Variants in SNTG1 observed in about 807,000 individuals in gnomAD.
The protein encoded by SNTG1 is gamma-1-syntrophin.
Under a neutral mutation model 74.7 loss-of-function variants are expected in SNTG1, and 39 were observed. That is an observed-to-expected ratio of 0.52 (90% CI 0.40 to 0.68). The LOEUF is 0.68. SNTG1 is among the 30% of genes least tolerant of loss of function. The pLI is 0.00. For synonymous variants in SNTG1, 254 were observed against 217.1 expected (o/e 1.17, Z -1.49); for missense variants, 685 against 609.5 (o/e 1.12, Z -1.30).
intron 13 of SNTG1, among the ~76,000 whole-genome samples, chr8:50,601,239 G>C (rs1002599141): frequency 1.6e-5 from 2 of 124,426 alleles, no homozygotes; most frequent in African/African-American, 6.1e-5. Flanking sequence ...GTTTGGCTTT[G>C]TTTTTTATGT....
At chr8:50,643,220 T>C (rs2095085235) in intron 13 of SNTG1, among the ~76,000 whole-genome samples, 1 of 152,350 alleles carries the variant, frequency 6.6e-6, no homozygotes, top group South Asian at 2.1e-4. Flanking sequence ...AGCACACTGC[T>C]CCAAGTCTAC....
chr8:49,981,293 A>C (rs1812656935), intron 1 of SNTG1, among the ~76,000 whole-genome samples: 1 of 152,206 alleles, frequency 6.6e-6, no homozygotes, highest in Admixed American at 6.5e-5. Flanking sequence ...CCCCTGGGAA[A>C]GACTCATAAT....
intron 18 of SNTG1, among the ~76,000 whole-genome samples, chr8:50,774,496 T>C (rs1300351958): frequency 6.6e-6 from 1 of 151,836 alleles, no homozygotes; most frequent in Non-Finnish European, 1.5e-5. Flanking sequence ...GAGGTTCTTA[T>C]TTAGTGAAAC....
At chr8:50,442,377 C>T (rs1246119668) in intron 5 of SNTG1, among the ~76,000 whole-genome samples, 1 of 152,100 alleles carries the variant, frequency 6.6e-6, no homozygotes, top group Non-Finnish European at 1.5e-5. Flanking sequence ...AAGCAAATCC[C>T]TACTTTAGAG....
intron 13 of SNTG1, among the ~76,000 whole-genome samples, chr8:50,656,104 A>G (rs545250690): frequency 6.6e-6 from 1 of 152,288 alleles, no homozygotes; most frequent in East Asian, 1.9e-4. Context: ...CCATAAAGCC[A>G]ACGTAAATTA....
In SNTG1 at chr8:50,449,693, T is replaced by G; in HGVS notation, c.245T>G (p.Val82Gly). The change falls in exon 6 of 19, where the codon GTT becomes GGT. Residue 82 changes from valine (V) to glycine (G), a missense_variant. Transcript: ENST00000642720. ...GGAGGAGCAGAACATAACATTCCAG[T>G]TGTCGTTTCAAAAATCTCCAAGGAA... ...IKGGAEHNIP[V>G]VVSKISKEQR... 1 of 1,599,804 alleles carries G rather than the reference T, an allele frequency of 6.3e-7. No homozygotes were observed. The highest frequency in any genetic ancestry group is 8.5e-7 in the Non-Finnish European group (1 of 1,171,814).
At chr8:50,096,325 T>C (rs2079927241) in intron 1 of SNTG1, among the ~76,000 whole-genome samples, 1 of 152,172 alleles carries the variant, frequency 6.6e-6, no homozygotes, top group South Asian at 2.1e-4. Context: ...TCAAATTTGT[T>C]TCATTGATTT....
intron 1 of SNTG1, among the ~76,000 whole-genome samples, chr8:49,927,984 C>G (rs775332334): frequency 4.6e-5 from 7 of 151,242 alleles, no homozygotes; most frequent in Non-Finnish European, 7.4e-5. Flanking sequence ...CAAAAATTAG[C>G]TGGGCATGGT....
At chr8:50,122,878 C>A (rs1030559112) in intron 1 of SNTG1, among the ~76,000 whole-genome samples, 1 of 142,222 alleles carries the variant, frequency 7.0e-6, no homozygotes, top group African/African-American at 2.5e-5. Context: ...GAGAGAAAAA[C>A]CTGATTGCTT....
At chr8:50,165,155 T>C (rs187280306) in intron 1 of SNTG1, among the ~76,000 whole-genome samples, 279 of 152,316 alleles carry the variant, frequency 1.8e-3, no homozygotes, top group African/African-American at 6.4e-3. Context: ...GGCATAGCTT[T>C]GCTTACTGAA....
chr8:50,487,096 A>G (rs2093802919), intron 8 of SNTG1, among the ~76,000 whole-genome samples: 2 of 152,208 alleles, frequency 1.3e-5, no homozygotes, highest in Admixed American at 6.5e-5. Flanking sequence ...AATGCTCATC[A>G]TCACTGGCCA....
intron 9 of SNTG1, among the ~76,000 whole-genome samples, chr8:50,514,039 A>AT (rs1229805331): frequency 6.6e-6 from 1 of 151,980 alleles, no homozygotes; most frequent in Non-Finnish European, 1.5e-5. Flanking sequence ...AGCTGTTCCT[A>AT]TTTGGCCATC....
intron 1 of SNTG1, among the ~76,000 whole-genome samples, chr8:50,091,429 A>G (rs943913273): frequency 6.6e-6 from 1 of 152,092 alleles, no homozygotes; most frequent in African/African-American, 2.4e-5. Flanking sequence ...CTTCATTGAG[A>G]AACATCTTCT....
At chr8:50,594,840 C>A (rs2094716002) in intron 13 of SNTG1, among the ~76,000 whole-genome samples, 2 of 152,096 alleles carry the variant, frequency 1.3e-5, no homozygotes, top group East Asian at 3.9e-4. Context: ...AGCATTTATT[C>A]AAGAAAAACA....
chr8:50,705,019 T>C (rs947660383), intron 16 of SNTG1, among the ~76,000 whole-genome samples: 7 of 152,194 alleles, frequency 4.6e-5, no homozygotes, highest in African/African-American at 1.7e-4. Context: ...TTACTCTGAC[T>C]TAAATCTAAT....
intron 17 of SNTG1, among the ~76,000 whole-genome samples, chr8:50,716,003 T>G (rs1385801317): frequency 1.3e-5 from 2 of 152,138 alleles, no homozygotes; most frequent in Non-Finnish European, 2.9e-5. Flanking sequence ...CTTTTAATTT[T>G]TAAAAATCTT....
chr8:50,205,290 T>C (rs915778196), intron 2 of SNTG1, among the ~76,000 whole-genome samples: 20 of 152,220 alleles, frequency 1.3e-4, no homozygotes, highest in African/African-American at 4.8e-4. Flanking sequence ...TATCTCATTG[T>C]GGTTTTGATC....
At chr8:50,293,694 G>A (rs1210109905) in intron 2 of SNTG1, among the ~76,000 whole-genome samples, 3 of 152,106 alleles carry the variant, frequency 2.0e-5, no homozygotes, top group Non-Finnish European at 4.4e-5. Context: ...ACAGGCGTGA[G>A]CCACTGTGCC....
At position 50,462,782 on chromosome 8, in the gene SNTG1, C is replaced by T; in HGVS notation, c.363+12053C>T. Reference sequence around the variant, plus strand: ...TGACGTGGCAGCAACTCAGTCGCATCTTCAGGTTCTACTCTTTTTTTTTTT... The same window carrying T: ...TGACGTGGCAGCAACTCAGTCGCATTTTCAGGTTCTACTCTTTTTTTTTTT... On this transcript the variant is annotated intron_variant, in intron 8 of 18. Transcript: ENST00000642720. Among the ~76,000 whole-genome samples, 10 of 119,366 alleles carry T rather than the reference C, an allele frequency of 8.4e-5. 1 individual carries two copies. Among genetic ancestry groups the T allele is most frequent in the Admixed American group, 2.0e-4 (2 of 10,192 alleles). The allele number at this position is 119,366 out of a possible 152,430, so 78.3% of individuals were successfully genotyped here. A position where few individuals can be genotyped will look rare whatever the true frequency, so the allele number is the denominator to read the frequency against.
Sources: allele counts gnomAD v4.1 joint callset (sites outside exome capture counted in the v4.1 genomes callset), GRCh38; gene constraint gnomAD v4.1.1; transcripts MANE v1.5; gene names NCBI Gene and HGNC (gene_info 2026-07-23, HGNC 2026-07-21).